Variants in USH2A observed in about 807,000 individuals in gnomAD.
The protein encoded by USH2A is Usher syndrome 2A (autosomal recessive, mild).
Under a neutral mutation model 538.9 loss-of-function variants are expected in USH2A, and 443 were observed. The observed-to-expected ratio is 0.82, with a 90% CI of 0.76 to 0.89. The LOEUF (loss-of-function observed/expected upper bound fraction) is 0.89. Ranked by LOEUF, USH2A falls within the 40% of genes least tolerant of loss-of-function variation. The pLI is 0.00. For missense variants in USH2A, 6,633 were observed against 6,324.8 expected (o/e 1.05, Z -1.65); for synonymous variants, 2,413 against 2,273.5 (o/e 1.06, Z -1.75).
chr1:216,224,018 TGTCCTACC>T (rs1324443722), intron 14 of USH2A, among the ~76,000 whole-genome samples: 1 of 152,232 alleles, frequency 6.6e-6, no homozygotes, highest in Admixed American at 6.5e-5. Context: ...CCAGCCTTGG[TGTCCTACC>T]CTCTATGGAC....
rs906898763 is a variant in USH2A, at chr1:215,708,084, G to T, written c.12066+19946C>A. The stretch of plus-strand genomic sequence containing the variant: ...CAAAAATCCCAGAAGACAGTGGGAA[G>T]AAGGATGTGGAAGGGAAACATCCTT... On this transcript the variant is annotated intron_variant, in intron 61 of 71. Transcript: ENST00000307340. 5.9e-5 allele frequency among the ~76,000 whole-genome samples: 9 copies of T among 152,196 alleles called. No homozygotes were observed. In the South Asian group the frequency reaches 6.2e-4, roughly 10 times the overall value.
chr1:215,637,076 G>T (rs1035284044), intron 69 of USH2A, among the ~76,000 whole-genome samples: 1 of 152,012 alleles, frequency 6.6e-6, no homozygotes, highest in South Asian at 2.1e-4. Context: ...TCACTGTCAG[G>T]GTTTGAAACT....
chr1:215,720,282 T>G (rs897380420), intron 61 of USH2A, among the ~76,000 whole-genome samples: 2 of 152,164 alleles, frequency 1.3e-5, no homozygotes, highest in African/African-American at 4.8e-5. Context: ...TTTCAAGGCA[T>G]GCAAGGAATA....
intron 3 of USH2A, among the ~76,000 whole-genome samples, chr1:216,373,852 C>T (rs2038763122): frequency 6.6e-6 from 1 of 151,896 alleles, no homozygotes; most frequent in African/African-American, 2.4e-5. Flanking sequence ...TAGAACCAAC[C>T]CAAATGTCCA....
intron 21 of USH2A, among the ~76,000 whole-genome samples, chr1:216,156,551 C>A (rs191325631): frequency 1.4e-4 from 22 of 152,242 alleles, no homozygotes; most frequent in Admixed American, 1.2e-3. Context: ...AAACTCCTCT[C>A]AGACTAATTT....
At position 215,993,153 on chromosome 1, in the gene USH2A, A is replaced by C. The variant is rs756471533; in HGVS notation, c.6672T>G (p.Gly2224=). 5.0e-6 allele frequency: 8 copies of C among 1,613,888 alleles called. No homozygotes were observed. The change falls in exon 35 of 72, where the codon GGT becomes GGG. Residue 2224 remains glycine (G), a synonymous_variant. Transcript: ENST00000307340. The part of the protein sequence containing the change: ...YLIKLGACTG[G]GCTVSEASEA... ...CACTGGCCTCACTCACTGTGCACCC[A>C]CCACCTGTGCAAGCCTAAACAGAGA...
chr1:216,219,946 T>C (rs1572062296), intron 14 of USH2A, among the ~76,000 whole-genome samples: 1 of 152,258 alleles, frequency 6.6e-6, no homozygotes, highest in Non-Finnish European at 1.5e-5. Flanking sequence ...TAACTCAGTA[T>C]TTGCTGGTTA....
rs543872479 is a variant in USH2A, at chr1:216,316,117, G to A, written c.1644+5766C>T. ...TGCCAGTACAATACAAAAATGTATC[G>A]GAGTTCCTGGTCAAAGAGTGCAGAG... On this transcript the variant is annotated intron_variant, in intron 9 of 71. Transcript: ENST00000307340. 4.3e-4 allele frequency among the ~76,000 whole-genome samples: 66 copies of A among 151,954 alleles called. 1 individual carries two copies. The South Asian group carries it at 8.5e-3, about 20-fold the overall frequency.
At chr1:216,412,884 T>C (rs905361110) in intron 3 of USH2A, among the ~76,000 whole-genome samples, 1 of 152,026 alleles carries the variant, frequency 6.6e-6, no homozygotes, top group African/African-American at 2.4e-5. Flanking sequence ...GTCATGGAGA[T>C]AATATAAGTC....
At chr1:216,101,186 CTA>C (rs1467443815) in intron 21 of USH2A, among the ~76,000 whole-genome samples, 1 of 152,184 alleles carries the variant, frequency 6.6e-6, no homozygotes, top group African/African-American at 2.4e-5. Flanking sequence ...TAGATAAATT[CTA>C]TCTTTTGAGC....
intron 40 of USH2A, among the ~76,000 whole-genome samples, chr1:215,893,864 G>A (rs1342659875): frequency 6.6e-6 from 1 of 152,056 alleles, no homozygotes; most frequent in Non-Finnish European, 1.5e-5. Flanking sequence ...GCTTGAATAA[G>A]TTCCTTTTGA....
At position 216,292,358 on chromosome 1, in the gene USH2A, A is replaced by G. The variant is rs555331597; in HGVS notation, c.1657T>C (p.Leu553=). The G allele has an allele frequency of 6.2e-7, 1 of 1,613,972 alleles. No individual in the cohort carries two copies. Among genetic ancestry groups the G allele is most frequent in the Admixed American group, 1.7e-5 (1 of 60,030 alleles). The part of the protein sequence containing the change: ...FTEGLHCDRC[L]PLYNDKPFRQ... ...AAAGGCTTGTCATTATAAAGAGGCA[A>G]GCAGCGATCACACTAGAACAAAAAA... The change falls in exon 10 of 72, where the codon TTG becomes CTG. Residue 553 remains leucine (L), a synonymous_variant. Transcript: ENST00000307340.
In USH2A at chr1:216,017,486, T is replaced by C. The variant is rs144414300; in HGVS notation, c.6326-16924A>G. Among the ~76,000 whole-genome samples, 10 of 152,352 alleles carry C rather than the reference T, an allele frequency of 6.6e-5. No homozygotes were observed. In the East Asian group the frequency reaches 1.7e-3, roughly 26 times the overall value. On this transcript the variant is annotated intron_variant, in intron 32 of 71. Coordinates refer to ENST00000307340, the MANE Select transcript of USH2A (RefSeq NM_206933.4). ...CTGGAGGTTTTTCTCTCAGAATTAG[T>C]TGGATATTTGCTACTATCATATTCT...
chr1:215,691,982 G>T (rs548172735), intron 61 of USH2A, among the ~76,000 whole-genome samples: 85 of 152,242 alleles, frequency 5.6e-4, no homozygotes, highest in African/African-American at 1.9e-3. Flanking sequence ...GACAGCAGCC[G>T]AAAGGAAATC....
intron 30 of USH2A, among the ~76,000 whole-genome samples, chr1:216,067,087 T>G (rs952637558): frequency 2.6e-5 from 4 of 152,130 alleles, no homozygotes; most frequent in African/African-American, 4.8e-5. Flanking sequence ...CCAGACAAAG[T>G]GTGATTGTGA....
chr1:215,804,516 A>G (rs1321011231), intron 49 of USH2A, among the ~76,000 whole-genome samples: 2 of 149,516 alleles, frequency 1.3e-5, no homozygotes, highest in African/African-American at 5.0e-5. Flanking sequence ...TTATGCAGAC[A>G]AAAGATACAT....
rs766443785 is a variant in USH2A at position 215,888,621 on chromosome 1, C to T, written c.8028G>A (p.Pro2676=). The T allele has an allele frequency of 2.7e-5, 44 of 1,613,998 alleles. No homozygotes were observed. Among genetic ancestry groups the T allele is most frequent in the Middle Eastern group, 3.3e-4 (2 of 6,084 alleles). The change falls in exon 41 of 72, where the codon CCG becomes CCA. Residue 2676 remains proline, a synonymous_variant. Transcript: ENST00000307340. ...KEEVTTLVTL[P]RSHSMRFIDK... is the part of the protein sequence containing the mutation. ...CAATAAACCTCATGGAATGACTCCTCGGGAGAGTCACCAGGGTAGTAACTT... is the reference window on the plus strand; with the variant it reads ...CAATAAACCTCATGGAATGACTCCTTGGGAGAGTCACCAGGGTAGTAACTT...
Position 216,073,221 on chromosome 1 carries a change from G to A in USH2A, c.5652C>T (p.Val1884=), listed in dbSNP as rs774079264. The A allele has an allele frequency of 6.2e-7, 1 of 1,613,874 alleles. No individual in the cohort carries two copies. The highest frequency in any genetic ancestry group is 1.1e-5 in the South Asian group (1 of 91,070). Residue 1884 remains valine (V), a synonymous_variant, in exon 28 of 72, where the codon GTC becomes GTT. Transcript: ENST00000307340. ...VNLASVSSGA[V]RVNLDGCLST... is the part of the protein sequence containing the mutation. ...ATAGGCATCCATCCAGATTGACTCTGACAGCACCGCTGGACACAGATGCCA... is the reference window on the plus strand; with the variant it reads ...ATAGGCATCCATCCAGATTGACTCTAACAGCACCGCTGGACACAGATGCCA...
chr1:216,379,578 C>T (rs966716084), intron 3 of USH2A, among the ~76,000 whole-genome samples: 7 of 152,094 alleles, frequency 4.6e-5, no homozygotes, highest in African/African-American at 1.7e-4. Context: ...TTTTAAACTA[C>T]CAGGAATCAG....
Sources: gnomAD v4.1 joint callset for allele counts (sites outside exome capture counted in the v4.1 genomes callset) on GRCh38, gnomAD v4.1.1 for gene constraint, MANE v1.5 for transcripts, NCBI Gene and HGNC (gene_info 2026-07-23, HGNC 2026-07-21) for gene names.